Variants in BTLA observed in about 807,000 individuals in gnomAD.
BTLA encodes the protein B- and T-lymphocyte attenuator.
In BTLA, 11 loss-of-function variants were observed where a neutral mutation model predicts 25.0. The observed-to-expected ratio is 0.44, with a 90% CI of 0.28 to 0.73. The LOEUF (loss-of-function observed/expected upper bound fraction) is 0.73, where lower values mean the gene tolerates loss of function less well. Among genes scored for constraint, BTLA ranks in the 30% least tolerant of loss-of-function variants. The probability of loss-of-function intolerance (pLI) is 0.15; values close to 1 mark genes in which losing one functional copy is unlikely to be tolerated. For synonymous variants in BTLA, 104 were observed against 119.8 expected (o/e 0.87, Z 0.86); for missense variants, 282 against 332.8 (o/e 0.85, Z 1.19).
chr3:112,494,339 G>A (rs912680907), intron 1 of BTLA, among the ~76,000 whole-genome samples: 2 of 152,140 alleles, frequency 1.3e-5, no homozygotes, highest in African/African-American at 4.8e-5. Flanking sequence ...CATTGTGGAA[G>A]ACAGTATGGC....
chr3:112,468,058 A>G (rs2082239803), intron 4 of BTLA, among the ~76,000 whole-genome samples: 1 of 152,238 alleles, frequency 6.6e-6, no homozygotes, highest in Non-Finnish European at 1.5e-5. Context: ...AGGCCAATGC[A>G]CCACAATGTG....
At chr3:112,478,194 T>C (rs1048597421) in intron 2 of BTLA, among the ~76,000 whole-genome samples, 8 of 152,140 alleles carry the variant, frequency 5.3e-5, no homozygotes, top group Admixed American at 3.9e-4. Context: ...TGGAACTGCA[T>C]TGAATCTGTA....
chr3:112,470,409 C>T (rs1559823507), intron 3 of BTLA: 1 of 152,266 alleles, frequency 6.6e-6, no homozygotes, highest in Non-Finnish European at 1.5e-5. Context: ...CTGTGTCACA[C>T]AGAATAAGTG....
At chr3:112,481,596 A>G (rs1283036483) in intron 1 of BTLA, among the ~76,000 whole-genome samples, 2 of 152,236 alleles carry the variant, frequency 1.3e-5, no homozygotes, top group Non-Finnish European at 2.9e-5. Context: ...CTCTGAGCCT[A>G]TGATGGGAGG....
At chr3:112,467,397 C>CA (rs2082236123) in intron 4 of BTLA, among the ~76,000 whole-genome samples, 1 of 152,230 alleles carries the variant, frequency 6.6e-6, no homozygotes, top group South Asian at 2.1e-4. Flanking sequence ...CCTACCTATA[C>CA]AAAGGTTCAC....
chr3:112,499,460 C>T lies in BTLA; in HGVS notation c.-102G>A, dbSNP rs2082430155. The T allele has an allele frequency of 1.9e-6, 1 of 525,810 alleles. No homozygotes were observed. The highest frequency in any genetic ancestry group is 3.0e-6 in the Non-Finnish European group (1 of 328,850). The allele number at this position is 525,810 out of a possible 1,614,324, so 32.6% of individuals were successfully genotyped here. On this transcript the variant is annotated 5_prime_UTR_variant, in exon 1 of 5. Transcript: ENST00000334529. ...GTCAGTTTACCTACCCCAGTGGCATCTGTGAAATAACTAAAAAAAAAAAAA... is the reference window on the plus strand; with the variant it reads ...GTCAGTTTACCTACCCCAGTGGCATTTGTGAAATAACTAAAAAAAAAAAAA...
chr3:112,479,661 C>T lies in BTLA; in HGVS notation c.197G>A (p.Arg66Lys). 1.2e-6 allele frequency: 2 copies of T among 1,614,112 alleles called. No homozygotes were observed. The highest frequency in any genetic ancestry group is 1.7e-6 in the Non-Finnish European group (2 of 1,179,986). ...GAGCTTGCACCAAGTCACATGAGGC[C>T]TGTTAGCACAGTATTTCACAGGGCA... ...LECPVKYCAN[R>K]PHVTWCKLNG... Residue 66 changes from arginine (R) to lysine (K), a missense_variant, in exon 2 of 5, where the codon AGG becomes AAG. Physicochemically the swap from Arg to Lys is conservative, Grantham distance 26. This residue lies in a region of BTLA where 163 missense variants were observed against 230.4 expected (regional missense o/e 0.71). Coordinates refer to ENST00000334529, the MANE Select transcript of BTLA (RefSeq NM_181780.4).
At chr3:112,488,479 C>T (rs889696080) in intron 1 of BTLA, among the ~76,000 whole-genome samples, 25 of 152,150 alleles carry the variant, frequency 1.6e-4, no homozygotes, top group African/African-American at 5.1e-4. Context: ...GCCTCGGGCT[C>T]CCAAAGTGCT....
At chr3:112,488,834 G>A (rs528586015) in intron 1 of BTLA, among the ~76,000 whole-genome samples, 1 of 151,656 alleles carries the variant, frequency 6.6e-6, no homozygotes, top group South Asian at 2.1e-4. Context: ...GGCTGGTCTT[G>A]AACTCCTGAC....
rs564036251 is a variant in BTLA at position 112,486,482 on chromosome 3, C to CA, written c.89-6714dup. On this transcript the variant is annotated intron_variant, in intron 1 of 4. Transcript: ENST00000334529. ...AAAATGTTTTAAAAAAATTAAAATACAAAAAAAGAAAAATGCACAGGTATT... is the reference window on the plus strand; with the variant it reads ...AAAATGTTTTAAAAAAATTAAAATACAAAAAAAAGAAAAATGCACAGGTATT... Among the ~76,000 whole-genome samples the CA allele has an allele frequency of 8.6e-5, 13 of 151,690 alleles. No homozygotes were observed. The East Asian group carries it at 1.7e-3, about 20-fold the overall frequency.
At chr3:112,467,251 C>T (rs1007155624) in intron 4 of BTLA, among the ~76,000 whole-genome samples, 4 of 152,182 alleles carry the variant, frequency 2.6e-5, no homozygotes, top group East Asian at 3.8e-4. Flanking sequence ...TGAGCCACCA[C>T]TCCCGGCAAG....
chr3:112,492,742 G>T (rs1395854125), intron 1 of BTLA, among the ~76,000 whole-genome samples: 2 of 152,130 alleles, frequency 1.3e-5, no homozygotes, highest in Non-Finnish European at 2.9e-5. Context: ...TATTATAGAG[G>T]AAAATGAAGT....
chr3:112,469,187 C>T (rs928396785), intron 4 of BTLA, among the ~76,000 whole-genome samples: 6 of 152,148 alleles, frequency 3.9e-5, no homozygotes, highest in African/African-American at 1.4e-4. Context: ...AAGATTGACT[C>T]CAAAATTCCC....
chr3:112,479,445 G>C lies in BTLA; in HGVS notation c.403+10C>G, dbSNP rs1164305079. 1 of 1,599,222 alleles carries C rather than the reference G, an allele frequency of 6.3e-7. No individual in the cohort carries two copies. The highest frequency in any genetic ancestry group is 8.5e-7 in the Non-Finnish European group (1 of 1,170,456). On this transcript the variant is annotated intron_variant, in intron 2 of 4. Coordinates refer to ENST00000334529, the MANE Select transcript of BTLA (RefSeq NM_181780.4). ...AAAAATATCAGATGGTCTAGGTGTT[G>C]AGAACTCACCTGTCACATAAAGAGT... is the stretch of plus-strand genomic sequence containing the variant.
chr3:112,471,407 G>A (rs1209967556), intron 2 of BTLA, 52 bp from the exon 3 acceptor site: 1 of 1,575,768 alleles, frequency 6.3e-7, no homozygotes. Context: ...GATATATTGG[G>A]ATCAGCGGCA....
intron 4 of BTLA, among the ~76,000 whole-genome samples, chr3:112,467,993 T>C (rs936228098): frequency 6.6e-6 from 1 of 152,224 alleles, no homozygotes; most frequent in East Asian, 1.9e-4. Flanking sequence ...AAAGAAAATA[T>C]AGTGCTCTGC....
chr3:112,485,640 T>C (rs1314586568), intron 1 of BTLA, among the ~76,000 whole-genome samples: 1 of 151,892 alleles, frequency 6.6e-6, no homozygotes, highest in Non-Finnish European at 1.5e-5. Flanking sequence ...CTCGGTTCAC[T>C]GCAACCTCCA....
At position 112,464,214 on chromosome 3, in the gene BTLA, T is replaced by C; in HGVS notation, c.*1894A>G. On this transcript the variant is annotated 3_prime_UTR_variant, in exon 5 of 5. Transcript: ENST00000334529. The stretch of plus-strand genomic sequence containing the variant: ...ATTTTGGCAAACAGTACAAATATAT[T>C]AATACATCTTAGAGATGAAATCATT... The C allele has an allele frequency of 2.5e-6, 1 of 397,840 alleles. No homozygotes were observed. The highest frequency in any genetic ancestry group is 3.6e-5 in the East Asian group (1 of 27,936). 24.6% of individuals were successfully genotyped at this position (397,840 alleles called of 1,614,324 possible).
At chr3:112,496,137 G>T (rs748153466) in intron 1 of BTLA, among the ~76,000 whole-genome samples, 24 of 152,144 alleles carry the variant, frequency 1.6e-4, no homozygotes, top group Non-Finnish European at 2.9e-4. Context: ...TGGAATCCTT[G>T]GTTGATCCTC....
Sources: gnomAD v4.1 joint callset for allele counts (sites outside exome capture counted in the v4.1 genomes callset) on GRCh38, gnomAD v4.1.1 for gene constraint, gnomAD v4.1.1 regional missense constraint, MANE v1.5 for transcripts, NCBI Gene and HGNC (gene_info 2026-07-23, HGNC 2026-07-21) for gene names.